Variants in GABRB1 observed in about 807,000 individuals in gnomAD.
GABRB1 encodes the protein gamma-aminobutyric acid type A receptor subunit beta1.
GABRB1 carries 17 observed loss-of-function variants against 51.6 expected under a neutral mutation model. The ratio of observed to expected loss-of-function variants is 0.33; its 90% confidence interval spans 0.23 to 0.49. GABRB1 has a LOEUF of 0.49. Ranked by LOEUF, GABRB1 falls within the 20% of genes least tolerant of loss-of-function variation. The pLI, the probability that GABRB1 is intolerant of heterozygous loss-of-function variation, is 0.99. For synonymous variants in GABRB1, 247 were observed against 218.9 expected (o/e 1.13, Z -1.14); for missense variants, 410 against 600.6 (o/e 0.68, Z 3.32).
At chr4:47,065,715 G>A (rs1727049215) in intron 3 of GABRB1, among the ~76,000 whole-genome samples, 1 of 152,066 alleles carries the variant, frequency 6.6e-6, no homozygotes, top group African/African-American at 2.4e-5. Context: ...AACAACTGAT[G>A]GCTGTTATGT....
At chr4:47,109,809 T>C (rs184916663) in intron 3 of GABRB1, among the ~76,000 whole-genome samples, 215 of 152,254 alleles carry the variant, frequency 1.4e-3, no homozygotes, top group African/African-American at 4.9e-3. Flanking sequence ...TCTTTTCTGA[T>C]CTTTTGAGAA....
intron 3 of GABRB1, among the ~76,000 whole-genome samples, chr4:47,048,164 G>T (rs923127635): frequency 2.0e-5 from 3 of 152,028 alleles, no homozygotes; most frequent in Admixed American, 2.0e-4. Flanking sequence ...TCCCCACATT[G>T]TAATCACCTT....
intron 5 of GABRB1, among the ~76,000 whole-genome samples, chr4:47,372,131 A>T (rs971677438): frequency 6.6e-6 from 1 of 152,130 alleles, no homozygotes; most frequent in Non-Finnish European, 1.5e-5. Flanking sequence ...TAACAAAGGG[A>T]TCCAGTTTGA....
intron 5 of GABRB1, among the ~76,000 whole-genome samples, chr4:47,402,826 A>G (rs1323307368): frequency 6.6e-6 from 1 of 152,212 alleles, no homozygotes; most frequent in Non-Finnish European, 1.5e-5. Flanking sequence ...TAAAAGAAAT[A>G]TGTAGTTTTT....
chr4:47,216,452 G>A (rs1189459263), intron 4 of GABRB1, among the ~76,000 whole-genome samples: 1 of 151,876 alleles, frequency 6.6e-6, no homozygotes, highest in Non-Finnish European at 1.5e-5. Flanking sequence ...CGATATTTCT[G>A]AGCTGCAAGG....
At chr4:47,370,963 G>T (rs1360458517) in intron 5 of GABRB1, among the ~76,000 whole-genome samples, 1 of 151,838 alleles carries the variant, frequency 6.6e-6, no homozygotes, top group African/African-American at 2.4e-5. Context: ...TGGGGTACAT[G>T]TTCAGGATGT....
At chr4:47,055,889 G>A (rs1437652377) in intron 3 of GABRB1, among the ~76,000 whole-genome samples, 2 of 152,132 alleles carry the variant, frequency 1.3e-5, no homozygotes, top group Non-Finnish European at 2.9e-5. Flanking sequence ...CACTGATAAG[G>A]CTTATTCTGT....
intron 4 of GABRB1, among the ~76,000 whole-genome samples, chr4:47,314,295 G>GT (rs1203399607): frequency 6.6e-5 from 10 of 151,836 alleles, no homozygotes; most frequent in African/African-American, 7.2e-5. Context: ...TAAAAGTTGG[G>GT]TTTTTTAAAA....
At chr4:47,257,199 G>A (rs1173586927) in intron 4 of GABRB1, among the ~76,000 whole-genome samples, 1 of 152,120 alleles carries the variant, frequency 6.6e-6, no homozygotes, top group Non-Finnish European at 1.5e-5. Flanking sequence ...ACTCAACAAA[G>A]TAGAATAGGA....
chr4:47,212,309 C>T (rs144851424), intron 4 of GABRB1, among the ~76,000 whole-genome samples: 1 of 152,152 alleles, frequency 6.6e-6, no homozygotes, highest in Non-Finnish European at 1.5e-5. Flanking sequence ...CTAACAACAT[C>T]CATGCACTTC....
At chr4:47,310,140 A>G (rs929762126) in intron 4 of GABRB1, among the ~76,000 whole-genome samples, 11 of 152,192 alleles carry the variant, frequency 7.2e-5, no homozygotes, top group Admixed American at 7.2e-4. Context: ...CCTGAGTGAT[A>G]TTTAGGCTTT....
chr4:47,002,541 A>G (rs1055975024), intron 1 of GABRB1, among the ~76,000 whole-genome samples: 1 of 152,148 alleles, frequency 6.6e-6, no homozygotes, highest in African/African-American at 2.4e-5. Flanking sequence ...AATAAGAACC[A>G]CCTTTAAAGT....
rs570136888 is a variant in GABRB1, at chr4:47,133,579, T to C, written c.241-27670T>C. 6.6e-5 allele frequency among the ~76,000 whole-genome samples: 10 copies of C among 152,334 alleles called. No individual in the cohort carries two copies. The South Asian group carries it at 1.7e-3, about 25-fold the overall frequency. On this transcript the variant is annotated intron_variant, in intron 3 of 8. Transcript: ENST00000295454. ...ATCTTGTCTCTTTAACATAGAGCAG[T>C]TCATCAGTCTTTCTTTGTCTTTCAT...
At chr4:47,025,014 G>A (rs1725046756) in intron 1 of GABRB1, among the ~76,000 whole-genome samples, 1 of 144,540 alleles carries the variant, frequency 6.9e-6, no homozygotes, top group Admixed American at 7.1e-5. Context: ...CAACCCATTT[G>A]TGGAATTTCA....
rs550516832 is a variant in GABRB1 at position 47,387,232 on chromosome 4, C to T, written c.545-16086C>T. 3.3e-5 allele frequency among the ~76,000 whole-genome samples: 5 copies of T among 152,290 alleles called. No homozygotes were observed. The East Asian group carries it at 5.8e-4, about 18-fold the overall frequency. On this transcript the variant is annotated intron_variant, in intron 5 of 8. Transcript: ENST00000295454. ...GTAATCCCACTTTGGGAGGCCAAGA[C>T]GGGTGGATCACCTGAGGTCAGAATT... is the stretch of plus-strand genomic sequence containing the variant.
At chr4:47,329,808 T>C (rs1045896301) in intron 5 of GABRB1, among the ~76,000 whole-genome samples, 2 of 151,120 alleles carry the variant, frequency 1.3e-5, no homozygotes, top group Admixed American at 1.3e-4. Flanking sequence ...GAGAGAAAGA[T>C]AGGTAAAGTA....
intron 5 of GABRB1, among the ~76,000 whole-genome samples, chr4:47,343,120 T>C (rs1217611310): frequency 6.6e-6 from 1 of 151,600 alleles, no homozygotes; most frequent in Non-Finnish European, 1.5e-5. Context: ...CTAAATAGTA[T>C]GGTTAAAGTC....
chr4:47,279,819 T>C (rs1354047764), intron 4 of GABRB1, among the ~76,000 whole-genome samples: 3 of 151,924 alleles, frequency 2.0e-5, no homozygotes, highest in African/African-American at 4.8e-5. Flanking sequence ...ATGAAGTGAG[T>C]TTCCTGAATG....
At chr4:47,075,065 T>G (rs1727491618) in intron 3 of GABRB1, among the ~76,000 whole-genome samples, 1 of 152,212 alleles carries the variant, frequency 6.6e-6, no homozygotes, top group Non-Finnish European at 1.5e-5. Context: ...TGTGAGGCTG[T>G]ATAAGTCATT....
Sources: gnomAD v4.1 joint callset for allele counts (sites outside exome capture counted in the v4.1 genomes callset) on GRCh38, gnomAD v4.1.1 for gene constraint, MANE v1.5 for transcripts, NCBI Gene and HGNC (gene_info 2026-07-23, HGNC 2026-07-21) for gene names.